Variants in DOCK9 observed in about 807,000 individuals in gnomAD.
The protein encoded by DOCK9 is dedicator of cytokinesis 9.
DOCK9 carries 89 observed loss-of-function variants against 263.3 expected under a neutral mutation model. The ratio of observed to expected loss-of-function variants is 0.34; its 90% confidence interval spans 0.28 to 0.40. The LOEUF (loss-of-function observed/expected upper bound fraction) is 0.40. DOCK9 is among the 10% of genes least tolerant of loss of function. DOCK9 has a pLI of 1.00. For missense variants in DOCK9, 2,140 were observed against 2,603.4 expected, an observed-to-expected ratio of 0.82 and a Z score of 3.87; for synonymous variants, 976 against 973.1, an observed-to-expected ratio of 1.00 and a Z score of -0.06.
At chr13:99,084,890 G>A (rs2042269432) in intron 1 of DOCK9, among the ~76,000 whole-genome samples, 1 of 152,188 alleles carries the variant, frequency 6.6e-6, no homozygotes, top group Admixed American at 6.5e-5. Flanking sequence ...GAAGTTAGCT[G>A]GTTATGGAAG....
At chr13:98,945,588 C>A (rs1002344586) in intron 2 of DOCK9, among the ~76,000 whole-genome samples, 1 of 152,222 alleles carries the variant, frequency 6.6e-6, no homozygotes, top group Non-Finnish European at 1.5e-5. Context: ...CACTCACTCT[C>A]ACCTACATCC....
intron 6 of DOCK9, 103 bp from the exon 7 acceptor site, chr13:98,921,191 C>T (rs41279136): frequency 0.043 from 50,986 of 1,180,502 alleles, 1,319 homozygotes; most frequent in Middle Eastern, 0.086. Flanking sequence ...AACCTGTTTC[C>T]GTTCTCACTC....
intron 45 of DOCK9, among the ~76,000 whole-genome samples, chr13:98,815,298 C>T (rs1195289856): frequency 1.3e-5 from 2 of 152,112 alleles, no homozygotes; most frequent in East Asian, 3.9e-4. Context: ...GAAGACCTAG[C>T]TTCCCGTGGG....
intron 1 of DOCK9, among the ~76,000 whole-genome samples, chr13:99,008,317 C>G (rs1883844232): frequency 6.6e-6 from 1 of 150,814 alleles, no homozygotes; most frequent in Admixed American, 6.6e-5. Context: ...ACTGCAACCT[C>G]CGCCTCCCGG....
intron 1 of DOCK9, among the ~76,000 whole-genome samples, chr13:99,008,662 A>C (rs749571878): frequency 2.0e-5 from 3 of 152,236 alleles, no homozygotes; most frequent in Non-Finnish European, 2.9e-5. Flanking sequence ...GCTAAGCAAC[A>C]GAAATGTATT....
chr13:98,880,717 T>C (rs2142654888), intron 25 of DOCK9, 45 bp from the exon 26 acceptor site: 2 of 1,600,238 alleles, frequency 1.2e-6, no homozygotes, highest in Non-Finnish European at 1.7e-6. Context: ...GGCTCTCCAA[T>C]GTGGGCTGAA....
intron 2 of DOCK9, among the ~76,000 whole-genome samples, chr13:98,932,182 C>G (rs2054060103): frequency 6.6e-6 from 1 of 151,954 alleles, no homozygotes; most frequent in Non-Finnish European, 1.5e-5. Context: ...AACTTGAGGT[C>G]AGGAGTTCCA....
intron 1 of DOCK9, among the ~76,000 whole-genome samples, chr13:98,974,981 C>CA (rs939591135): frequency 4.5e-4 from 69 of 152,166 alleles, no homozygotes; most frequent in African/African-American, 1.6e-3. Context: ...GATCTACTTA[C>CA]AGGTACATTT....
intron 37 of DOCK9, chr13:98,847,197 C>A (rs1321150533): frequency 1.3e-5 from 2 of 154,472 alleles, no homozygotes; most frequent in Admixed American, 1.3e-4. Flanking sequence ...CTACTTGGCA[C>A]AATATTCTCC....
chr13:98,861,185 T>C (rs2093858505), intron 32 of DOCK9, among the ~76,000 whole-genome samples: 1 of 152,146 alleles, frequency 6.6e-6, no homozygotes, highest in Admixed American at 6.5e-5. Context: ...GAGGTGCACT[T>C]AGGATAGAGA....
intron 52 of DOCK9, among the ~76,000 whole-genome samples, chr13:98,795,210 A>G (rs1315325976): frequency 6.6e-6 from 1 of 152,226 alleles, no homozygotes; most frequent in Admixed American, 6.5e-5. Context: ...ACTGGGACAC[A>G]ACCTAGCCTT....
Position 98,994,949 on chromosome 13 carries a change from G to A in DOCK9, c.130-39398C>T, listed in dbSNP as rs147998298. The stretch of plus-strand genomic sequence containing the variant: ...TTTCTGTTCACTTTAAATTGTAAAC[G>A]AGTGAAAAATTCTAAGTTCGTGAGG... On this transcript the variant is annotated intron_variant, in intron 1 of 32. Coordinates refer to the DOCK9 transcript ENST00000427887. Among the ~76,000 whole-genome samples, 456 of 152,172 alleles carry A rather than the reference G, an allele frequency of 3.0e-3. 12 individuals carry two copies. The highest frequency in any genetic ancestry group is 0.026 in the Admixed American group (400 of 15,290).
chr13:99,060,584 A>G (rs2041144306), intron 1 of DOCK9, among the ~76,000 whole-genome samples: 1 of 152,236 alleles, frequency 6.6e-6, no homozygotes, highest in South Asian at 2.1e-4. Context: ...TAACACCAGC[A>G]ATGTATGACG....
chr13:99,002,791 A>G (rs1882618336), intron 1 of DOCK9, among the ~76,000 whole-genome samples: 1 of 152,050 alleles, frequency 6.6e-6, no homozygotes, highest in South Asian at 2.1e-4. Context: ...AAGAGCACAC[A>G]GGGCTCTGGA....
intron 32 of DOCK9, among the ~76,000 whole-genome samples, chr13:98,861,808 A>T (rs2093879149): frequency 6.6e-6 from 1 of 152,216 alleles, no homozygotes; most frequent in Non-Finnish European, 1.5e-5. Context: ...ATGCATGTTT[A>T]AAAAACAGCA....
Position 98,850,077 on chromosome 13 carries a change from G to T in DOCK9, c.3983C>A (p.Ser1328Tyr), listed in dbSNP as rs185134139. The T allele has an allele frequency of 5.6e-5, 87 of 1,563,414 alleles. No individual in the cohort carries two copies. The South Asian group carries it at 9.8e-4, about 18-fold the overall frequency. The stretch of plus-strand genomic sequence containing the variant: ...TATTGTAAAAAAATCCATAAGTTCA[G>T]ATGTTGAAGCCTTGTTCCAATATGT... ...LFTYWNKAST[S>Y]ELMDFFTISE... Residue 1328 changes from serine (S) to tyrosine (Y), a missense_variant, in exon 36 of 53, where the codon TCT becomes TAT. Physicochemically the swap from Ser to Tyr is moderately radical, Grantham distance 144. Coordinates refer to ENST00000682017, the MANE Select transcript of DOCK9 (RefSeq NM_001366683.2).
intron 2 of DOCK9, among the ~76,000 whole-genome samples, chr13:98,946,504 C>T (rs1346797048): frequency 6.6e-6 from 1 of 152,166 alleles, no homozygotes; most frequent in African/African-American, 2.4e-5. Context: ...ATACGCAATG[C>T]TCTCCTTCCA....
At chr13:98,887,270 A>G (rs2045910715) in intron 18 of DOCK9, among the ~76,000 whole-genome samples, 1 of 150,072 alleles carries the variant, frequency 6.7e-6, no homozygotes, top group Non-Finnish European at 1.5e-5. Flanking sequence ...TCTTGGTTCC[A>G]CTAATGTTTT....
At chr13:98,991,384 T>A (rs531314407) in intron 1 of DOCK9, among the ~76,000 whole-genome samples, 1 of 152,222 alleles carries the variant, frequency 6.6e-6, no homozygotes, top group South Asian at 2.1e-4. Context: ...ACAAGTAATT[T>A]CAATAACAAG....
Sources: allele counts gnomAD v4.1 joint callset (sites outside exome capture counted in the v4.1 genomes callset), GRCh38; gene constraint gnomAD v4.1.1; transcripts MANE v1.5; gene names NCBI Gene and HGNC (gene_info 2026-07-23, HGNC 2026-07-21).